LRRC4C: variants seen among roughly 807,000 people sequenced by gnomAD.
LRRC4C encodes leucine rich repeat containing 4C.
In LRRC4C, 5 loss-of-function variants were observed where a neutral mutation model predicts 33.6. The observed-to-expected ratio is 0.15, with a 90% CI of 0.08 to 0.31. LRRC4C has a LOEUF of 0.31. Ranked by LOEUF, LRRC4C falls within the 10% of genes least tolerant of loss-of-function variation. The pLI, the probability that LRRC4C is intolerant of heterozygous loss-of-function variation, is 1.00. For missense variants in LRRC4C, 560 were observed against 796.7 expected, an observed-to-expected ratio of 0.70 and a Z score of 3.58; for synonymous variants, 329 against 302.0, an observed-to-expected ratio of 1.09 and a Z score of -0.93.
intron 2 of LRRC4C, among the ~76,000 whole-genome samples, chr11:40,911,110 A>G (rs1447665907): frequency 6.6e-6 from 1 of 152,136 alleles, no homozygotes; most frequent in East Asian, 1.9e-4. Context: ...TGTAGACTCC[A>G]CCTCTGGGGG....
intron 1 of LRRC4C, among the ~76,000 whole-genome samples, chr11:41,187,951 A>G (rs1387439341): frequency 6.6e-6 from 1 of 152,192 alleles, no homozygotes; most frequent in Non-Finnish European, 1.5e-5. Flanking sequence ...TATAAATGAC[A>G]TCATATCTGA....
chr11:40,355,942 T>C (rs1202989390), intron 3 of LRRC4C, among the ~76,000 whole-genome samples: 1 of 144,030 alleles, frequency 6.9e-6, no homozygotes. Flanking sequence ...ATTCATAGTA[T>C]AGTATAGTAT....
intron 4 of LRRC4C, among the ~76,000 whole-genome samples, chr11:40,248,732 C>T (rs140498788): frequency 6.6e-6 from 1 of 152,166 alleles, no homozygotes; most frequent in East Asian, 1.9e-4. Flanking sequence ...ACCTCCACTT[C>T]AATTGTGAGA....
chr11:40,320,492 T>C (rs909920747), intron 3 of LRRC4C, among the ~76,000 whole-genome samples: 10 of 151,816 alleles, frequency 6.6e-5, no homozygotes, highest in African/African-American at 1.7e-4. Context: ...GGCGACAGAG[T>C]GAGACTCTGT....
chr11:40,530,285 C>T (rs150660716), intron 3 of LRRC4C, among the ~76,000 whole-genome samples: 1,563 of 151,634 alleles, frequency 0.01, 28 homozygotes, highest in African/African-American at 0.036. Context: ...AAATATTGGC[C>T]CAAATTTTTA....
At chr11:40,286,510 A>G (rs1251945343) in intron 4 of LRRC4C, among the ~76,000 whole-genome samples, 1 of 152,214 alleles carries the variant, frequency 6.6e-6, no homozygotes, top group Non-Finnish European at 1.5e-5. Flanking sequence ...CATGATCAAA[A>G]ATAACATCAC....
At chr11:41,227,802 C>A (rs1947609303) in intron 1 of LRRC4C, among the ~76,000 whole-genome samples, 1 of 152,048 alleles carries the variant, frequency 6.6e-6, no homozygotes. Flanking sequence ...GGTATGTATC[C>A]TTTACATTCC....
chr11:40,522,779 C>T (rs1955874902), intron 3 of LRRC4C, among the ~76,000 whole-genome samples: 1 of 152,096 alleles, frequency 6.6e-6, no homozygotes, highest in Non-Finnish European at 1.5e-5. Context: ...CTAGGTACTT[C>T]CAATAAAAGG....
chr11:40,850,846 G>A (rs1196244923), intron 2 of LRRC4C, among the ~76,000 whole-genome samples: 5 of 152,196 alleles, frequency 3.3e-5, no homozygotes, highest in African/African-American at 1.2e-4. Context: ...GGAATCTGGA[G>A]AGGCAGTCTG....
intron 5 of LRRC4C, among the ~76,000 whole-genome samples, chr11:40,156,751 GA>G (rs1167474487): frequency 6.6e-6 from 1 of 151,848 alleles, no homozygotes; most frequent in African/African-American, 2.4e-5. Flanking sequence ...AAACACTGCT[GA>G]AAAAAATCAT....
intron 3 of LRRC4C, among the ~76,000 whole-genome samples, chr11:40,436,892 G>A (rs1040243036): frequency 3.3e-5 from 5 of 152,212 alleles, no homozygotes; most frequent in Non-Finnish European, 5.9e-5. Context: ...CTGACTGAGA[G>A]GCTGTTAGAG....
intron 1 of LRRC4C, among the ~76,000 whole-genome samples, chr11:41,009,017 T>C (rs1387491288): frequency 6.6e-6 from 1 of 151,908 alleles, no homozygotes; most frequent in Non-Finnish European, 1.5e-5. Flanking sequence ...AATTTAAAAA[T>C]TTATATGAAA....
intron 4 of LRRC4C, among the ~76,000 whole-genome samples, chr11:40,257,253 G>A (rs2136225407): frequency 9.6e-6 from 1 of 104,398 alleles, no homozygotes; most frequent in Admixed American, 1.2e-4. Flanking sequence ...TGGCTGAGTA[G>A]AGAAGACTAA....
chr11:41,143,585 T>C (rs1232666811), intron 1 of LRRC4C, among the ~76,000 whole-genome samples: 1 of 152,168 alleles, frequency 6.6e-6, no homozygotes, highest in Non-Finnish European at 1.5e-5. Flanking sequence ...AGGACATTTG[T>C]CATATAAAAT....
At chr11:41,046,581 G>T (rs1857789114) in intron 1 of LRRC4C, among the ~76,000 whole-genome samples, 1 of 152,242 alleles carries the variant, frequency 6.6e-6, no homozygotes, top group African/African-American at 2.4e-5. Context: ...CAACTCTTTA[G>T]ATCCCTCGCT....
chr11:40,553,469 T>G (rs993323354), intron 3 of LRRC4C, among the ~76,000 whole-genome samples: 2 of 152,188 alleles, frequency 1.3e-5, no homozygotes, highest in African/African-American at 4.8e-5. Context: ...TCTGACAGCA[T>G]CATTTTCTCT....
intron 3 of LRRC4C, among the ~76,000 whole-genome samples, chr11:40,526,312 A>T (rs1451842545): frequency 6.6e-6 from 1 of 152,164 alleles, no homozygotes; most frequent in Non-Finnish European, 1.5e-5. Context: ...TTGAAAAAGG[A>T]TATTTAAAAT....
At chr11:40,150,946 A>C (rs746507391) in intron 5 of LRRC4C, among the ~76,000 whole-genome samples, 1 of 152,156 alleles carries the variant, frequency 6.6e-6, no homozygotes, top group Non-Finnish European at 1.5e-5. Context: ...GAAATAAAAA[A>C]AAATGCCATC....
At chr11:40,571,541 C>G (rs552181189) in intron 3 of LRRC4C, among the ~76,000 whole-genome samples, 1 of 152,226 alleles carries the variant, frequency 6.6e-6, no homozygotes, top group African/African-American at 2.4e-5. Context: ...CCGTCTACAA[C>G]TAGTTACAAG....
Sources: gnomAD v4.1 joint callset for allele counts (sites outside exome capture counted in the v4.1 genomes callset) on GRCh38, gnomAD v4.1.1 for gene constraint, MANE v1.5 for transcripts, NCBI Gene and HGNC (gene_info 2026-07-23, HGNC 2026-07-21) for gene names.